The following ABCC9 variants were observed in gnomAD, a reference collection of about 807,000 sequenced individuals.
ABCC9 encodes ATP binding cassette subfamily C member 9, also known as ATP-binding cassette sub-family C member 9.
ABCC9 carries 95 observed loss-of-function variants against 188.3 expected under a neutral mutation model. That is an observed-to-expected ratio of 0.50 (90% CI 0.43 to 0.60). The LOEUF is 0.60. Among genes scored for constraint, ABCC9 ranks in the 20% least tolerant of loss-of-function variants. The probability of loss-of-function intolerance (pLI) is 0.00; values close to 1 mark genes in which losing one functional copy is unlikely to be tolerated. For missense variants in ABCC9, 1,102 were observed against 1,876.3 expected (o/e 0.59, Z 7.62); for synonymous variants, 659 against 652.7 (o/e 1.01, Z -0.15).
At chr12:21,852,546 A>G (rs1452903578) in intron 22 of ABCC9, 41 bp from the exon 23 acceptor site, 1 of 1,601,374 alleles carries the variant, frequency 6.2e-7, no homozygotes, top group South Asian at 1.1e-5. Flanking sequence ...CGTTTTCTAT[A>G]CTTGTTACAT....
intron 30 of ABCC9, chr12:21,830,981 T>TCTATCTAC (rs1399292876): frequency 7.0e-6 from 1 of 142,586 alleles, no homozygotes; most frequent in Non-Finnish European, 1.5e-5. Context: ...AGATTATCTA[T>TCTATCTAC]CTATCTATCT....
At position 21,812,036 on chromosome 12, in the gene ABCC9, A is replaced by T; in HGVS notation, c.4211+13T>A. ...TCCTAAGGCATACAGGTGTTGCTAA[A>T]TATGTTACCTACCTAATGGAACCAC... On this transcript the variant is annotated intron_variant, in intron 36 of 39. Transcript: ENST00000261200. 6.4e-7 allele frequency: 1 copy of T among 1,568,960 alleles called. No homozygotes were observed. Among genetic ancestry groups the T allele is most frequent in the Non-Finnish European group, 8.8e-7 (1 of 1,139,296 alleles).
rs576997760 is a variant in ABCC9, at chr12:21,919,057, A to G, written c.407-1954T>C. Reference sequence around the variant, plus strand: ...AAATTCAAGAAGTACAACTAAAATAAGACTCAGAGGAAAATTTACAGCTTT... The same window carrying G: ...AAATTCAAGAAGTACAACTAAAATAGGACTCAGAGGAAAATTTACAGCTTT... On this transcript the variant is annotated intron_variant, in intron 5 of 39. Transcript: ENST00000261200. 2.6e-5 allele frequency among the ~76,000 whole-genome samples: 4 copies of G among 152,264 alleles called. No individual in the cohort carries two copies. The South Asian group carries it at 8.3e-4, about 32-fold the overall frequency.
At chr12:21,901,999 A>G (rs187952303) in intron 12 of ABCC9, among the ~76,000 whole-genome samples, 2 of 152,276 alleles carry the variant, frequency 1.3e-5, no homozygotes, top group Admixed American at 1.3e-4. Context: ...AACAGAATAT[A>G]CATCCTTCTG....
In ABCC9 at chr12:21,915,820, A is replaced by G. The variant is rs763596073; in HGVS notation, c.664T>C (p.Leu222=). Residue 222 remains leucine, a synonymous_variant, in exon 7 of 40, where the codon TTG becomes CTG. Transcript: ENST00000261200. ...CACCAGTATGTTGCTTTTGACAGCA[A>G]ATTCACAAATGGTTGAAGAAATCTC... ...GVRFLQPFVN[L]LSKATYWWMN... is the part of the protein sequence containing the mutation. 1.2e-6 allele frequency: 2 copies of G among 1,613,598 alleles called. No homozygotes were observed. The highest frequency in any genetic ancestry group is 1.7e-6 in the Non-Finnish European group (2 of 1,179,836).
At chr12:21,830,695 AG>A (rs1365104047) in intron 30 of ABCC9, among the ~76,000 whole-genome samples, 3 of 152,228 alleles carry the variant, frequency 2.0e-5, no homozygotes, top group Non-Finnish European at 4.4e-5. Flanking sequence ...TAGATAATTC[AG>A]TCGGACAGTA....
At chr12:21,911,576 T>C (rs1565476263) in intron 8 of ABCC9, among the ~76,000 whole-genome samples, 1 of 152,040 alleles carries the variant, frequency 6.6e-6, no homozygotes, top group African/African-American at 2.4e-5. Context: ...AAATTGATTT[T>C]TGTTTGTAAC....
Position 21,910,907 on chromosome 12 carries a change from A to G in ABCC9, c.1083T>C (p.Ala361=). The change falls in exon 9 of 40, where the codon GCT becomes GCC. Residue 361 remains alanine, a synonymous_variant. Coordinates refer to ENST00000261200, the MANE Select transcript of ABCC9 (RefSeq NM_020297.4). ...AYVLAVLLFL[A]LILQRTFLQA... ...GCAAAAATGTCCTTTGCAGAATAAG[A>G]GCCAAGAAGAGAAGAACTGCTAGAA... The G allele has an allele frequency of 6.2e-7, 1 of 1,612,708 alleles. No individual in the cohort carries two copies. Among genetic ancestry groups the G allele is most frequent in the Non-Finnish European group, 8.5e-7 (1 of 1,178,982 alleles).
intron 17 of ABCC9, 62 bp from the exon 18 acceptor site, chr12:21,872,792 A>G: frequency 2.4e-6 from 3 of 1,266,958 alleles, no homozygotes; most frequent in Non-Finnish European, 3.5e-6. Flanking sequence ...AATAACATCA[A>G]AACACATTTA....
intron 16 of ABCC9, among the ~76,000 whole-genome samples, chr12:21,878,526 T>A (rs1257297002): frequency 6.6e-6 from 1 of 152,292 alleles, no homozygotes; most frequent in East Asian, 1.9e-4. Flanking sequence ...GGATACTGGA[T>A]AGACTGTGCC....
In ABCC9 at chr12:21,818,035, G is replaced by A; in HGVS notation, c.3771+115C>T. ...CACCCCCACCCCCCAATAGGCCCTGGTATGTGTAATTCCCCTCTCTGTGCT... is the reference window on the plus strand; with the variant it reads ...CACCCCCACCCCCCAATAGGCCCTGATATGTGTAATTCCCCTCTCTGTGCT... On this transcript the variant is annotated intron_variant, in intron 32 of 39. Transcript: ENST00000261200. The A allele has an allele frequency of 4.8e-6, 4 of 827,816 alleles. 1 individual carries two copies. The South Asian group carries it at 5.4e-5, about 11-fold the overall frequency. The allele number at this position is 827,816 out of a possible 1,614,324, so 51.3% of individuals were successfully genotyped here. A position where few individuals can be genotyped will look rare whatever the true frequency, so the allele number is the denominator to read the frequency against.
chr12:21,845,794 T>C lies in ABCC9; in HGVS notation c.2905A>G (p.Thr969Ala). ...EEEDEDDNMS[T>A]VMRLRTKMPW... ...ATTTTAGTCCTGAGCCTCATTACAG[T>C]GGACATGTTATCATCCTCATCTTCC... Residue 969 changes from threonine to alanine, a missense_variant, in exon 26 of 40, where the codon ACT becomes GCT. This residue lies in a region of ABCC9 where 131 missense variants were observed against 170.2 expected (regional missense o/e 0.77). Coordinates refer to ENST00000261200, the MANE Select transcript of ABCC9 (RefSeq NM_020297.4). The C allele has an allele frequency of 6.2e-7, 1 of 1,613,826 alleles. No homozygotes were observed. Among genetic ancestry groups the C allele is most frequent in the Non-Finnish European group, 8.5e-7 (1 of 1,179,828 alleles).
chr12:21,824,355 T>A (rs1285823548), intron 31 of ABCC9, among the ~76,000 whole-genome samples: 1 of 152,136 alleles, frequency 6.6e-6, no homozygotes, highest in Non-Finnish European at 1.5e-5. Flanking sequence ...TTGATCGTGG[T>A]GGATAAGCTT....
chr12:21,932,230 A>G (rs933493798), intron 4 of ABCC9, among the ~76,000 whole-genome samples: 10 of 152,096 alleles, frequency 6.6e-5, no homozygotes, highest in South Asian at 6.2e-4. Flanking sequence ...ATAATTCATT[A>G]TATTTTAACT....
chr12:21,829,417 G>A (rs567832388), intron 30 of ABCC9, among the ~76,000 whole-genome samples: 5 of 151,974 alleles, frequency 3.3e-5, no homozygotes, highest in Non-Finnish European at 5.9e-5. Flanking sequence ...TAGCCAGGAT[G>A]GTCTCGATCT....
intron 11 of ABCC9, among the ~76,000 whole-genome samples, chr12:21,907,754 C>T (rs918620637): frequency 3.3e-5 from 5 of 151,974 alleles, no homozygotes; most frequent in Non-Finnish European, 7.4e-5. Context: ...CAATAACTGA[C>T]GTTCACTAGC....
chr12:21,939,874 C>A (rs549582332), intron 2 of ABCC9, among the ~76,000 whole-genome samples: 1 of 152,294 alleles, frequency 6.6e-6, no homozygotes, highest in Non-Finnish European at 1.5e-5. Flanking sequence ...GATTTCATGG[C>A]AAGAATCGCA....
chr12:21,847,459 G>GTT, intron 25 of ABCC9, among the ~76,000 whole-genome samples: 1 of 151,848 alleles, frequency 6.6e-6, no homozygotes, highest in African/African-American at 2.4e-5. Flanking sequence ...CATTTTCTCT[G>GTT]TTTTTTTTAA....
intron 38 of ABCC9, among the ~76,000 whole-genome samples, 174 bp downstream of exon 38, chr12:21,807,172 C>A (rs1386736284): frequency 6.6e-6 from 1 of 152,092 alleles, no homozygotes; most frequent in Non-Finnish European, 1.5e-5. Context: ...ATATGTTGGG[C>A]CCTATTTATT....
Sources: allele counts gnomAD v4.1 joint callset (sites outside exome capture counted in the v4.1 genomes callset), GRCh38; gene constraint gnomAD v4.1.1; regional missense constraint gnomAD v4.1.1; transcripts MANE v1.5; gene names NCBI Gene and HGNC (gene_info 2026-07-23, HGNC 2026-07-21).